The following RAPGEF5 variants were observed in gnomAD, a reference collection of about 807,000 sequenced individuals.
RAPGEF5 encodes the protein Rap guanine nucleotide exchange factor 5, also known as M-Ras-regulated GEF.
A neutral mutation model predicts 125.2 loss-of-function variants in RAPGEF5; 65 were observed. The ratio of observed to expected loss-of-function variants is 0.52; its 90% CI spans 0.43 to 0.64. The LOEUF (loss-of-function observed/expected upper bound fraction) is 0.64, where lower values mean the gene tolerates loss of function less well. Among genes scored for constraint, RAPGEF5 ranks in the 30% least tolerant of loss-of-function variants. The pLI is 0.00. For missense variants in RAPGEF5, 958 were observed against 1,048.1 expected (o/e 0.91, Z 1.19); for synonymous variants, 391 against 385.9 (o/e 1.01, Z -0.16).
At chr7:22,193,668 C>G in intron 10 of RAPGEF5, 1 of 1,550,766 alleles carries the variant, frequency 6.4e-7, no homozygotes, top group African/African-American at 1.4e-5. Flanking sequence ...CCATTGTGAA[C>G]GGTTACTAAC....
At chr7:22,326,682 T>C (rs1166909414) in intron 1 of RAPGEF5, among the ~76,000 whole-genome samples, 1 of 152,206 alleles carries the variant, frequency 6.6e-6, no homozygotes, top group Non-Finnish European at 1.5e-5. Context: ...TCTACTTAGG[T>C]TACATAAAAG....
chr7:22,313,590 T>C (rs543906538), intron 3 of RAPGEF5, among the ~76,000 whole-genome samples: 35 of 152,306 alleles, frequency 2.3e-4, no homozygotes, highest in African/African-American at 8.2e-4. Flanking sequence ...CTAATTTGGA[T>C]AGATGGATTT....
chr7:22,158,981 A>G (rs953367848), intron 14 of RAPGEF5, among the ~76,000 whole-genome samples: 4 of 152,096 alleles, frequency 2.6e-5, no homozygotes, highest in African/African-American at 9.7e-5. Flanking sequence ...ATTATTTACC[A>G]TTTTTGTGTA....
intron 7 of RAPGEF5, 43 bp downstream of exon 7, chr7:22,266,921 A>T (rs1782296394): frequency 6.4e-7 from 1 of 1,560,450 alleles, no homozygotes; most frequent in African/African-American, 1.4e-5. Flanking sequence ...AAATACCCCC[A>T]AAGAATTAGA....
chr7:22,260,547 AG>A (rs1349206636), intron 7 of RAPGEF5, among the ~76,000 whole-genome samples: 2 of 151,476 alleles, frequency 1.3e-5, no homozygotes, highest in South Asian at 2.1e-4. Context: ...AAAAAAAAAA[AG>A]ATATTACAAA....
chr7:22,182,357 TAGAGTG>T (rs1451264526), intron 11 of RAPGEF5, among the ~76,000 whole-genome samples: 2 of 152,184 alleles, frequency 1.3e-5, no homozygotes, highest in East Asian at 3.8e-4. Context: ...CTGCCGATGT[TAGAGTG>T]AAACTATCAT....
chr7:22,220,140 T>C, intron 8 of RAPGEF5, 149 bp from the exon 9 acceptor site: 1 of 1,015,604 alleles, frequency 9.8e-7, no homozygotes, highest in Admixed American at 2.8e-5. Flanking sequence ...TTTCAAAAAT[T>C]GAAGTTACAT....
chr7:22,214,337 G>A (rs562064287), intron 9 of RAPGEF5, among the ~76,000 whole-genome samples: 1 of 152,258 alleles, frequency 6.6e-6, no homozygotes, highest in Admixed American at 6.5e-5. Context: ...GCAAGGGAGG[G>A]ATACAGACAG....
intron 1 of RAPGEF5, among the ~76,000 whole-genome samples, chr7:22,319,798 A>C (rs11772968): frequency 0.066 from 9,982 of 152,222 alleles, 455 homozygotes; most frequent in South Asian, 0.16. Context: ...TAAGAGAAGC[A>C]AAATAGTTTA....
intron 25 of RAPGEF5, 68 bp from the exon 26 acceptor site, chr7:22,122,589 A>C: frequency 8.8e-7 from 1 of 1,142,452 alleles, no homozygotes; most frequent in East Asian, 2.4e-5. Flanking sequence ...ATACCAACAA[A>C]ACCCCACACT....
At chr7:22,341,928 G>A (rs887956353) in intron 1 of RAPGEF5, among the ~76,000 whole-genome samples, 11 of 152,188 alleles carry the variant, frequency 7.2e-5, no homozygotes, top group East Asian at 3.9e-4. Flanking sequence ...GGGGTCTGGA[G>A]GACAGTGGCC....
intron 5 of RAPGEF5, among the ~76,000 whole-genome samples, chr7:22,299,365 T>C (rs1397358807): frequency 1.3e-5 from 2 of 152,154 alleles, no homozygotes; most frequent in East Asian, 1.9e-4. Flanking sequence ...TTCCAAATAG[T>C]AGATTTTACA....
chr7:22,290,857 C>A (rs1349173774), intron 6 of RAPGEF5, among the ~76,000 whole-genome samples: 6 of 151,512 alleles, frequency 4.0e-5, no homozygotes, highest in Admixed American at 6.6e-5. Flanking sequence ...ATGAAAGAGT[C>A]TTTTCTCCTT....
intron 1 of RAPGEF5, among the ~76,000 whole-genome samples, chr7:22,342,959 A>C (rs1331000883): frequency 2.0e-5 from 3 of 152,064 alleles, no homozygotes; most frequent in African/African-American, 7.2e-5. Context: ...TCGCTTCCAC[A>C]TTTTCAGGTA....
chr7:22,328,219 G>C (rs890450554), intron 1 of RAPGEF5, among the ~76,000 whole-genome samples: 2 of 152,142 alleles, frequency 1.3e-5, no homozygotes, highest in Non-Finnish European at 2.9e-5. Context: ...TGGTCAGAAG[G>C]GAAAACAGGA....
intron 6 of RAPGEF5, among the ~76,000 whole-genome samples, chr7:22,285,007 C>T (rs1160926167): frequency 6.6e-6 from 1 of 152,112 alleles, no homozygotes; most frequent in African/African-American, 2.4e-5. Flanking sequence ...AGCTACCAAA[C>T]ATCTTAGTTT....
intron 1 of RAPGEF5, among the ~76,000 whole-genome samples, chr7:22,324,497 T>C (rs1371027147): frequency 6.6e-6 from 1 of 152,212 alleles, no homozygotes; most frequent in Non-Finnish European, 1.5e-5. Flanking sequence ...GCTGTGGTTA[T>C]GTAGAAATGT....
intron 1 of RAPGEF5, among the ~76,000 whole-genome samples, chr7:22,334,157 C>T (rs1358408469): frequency 2.0e-5 from 3 of 152,326 alleles, no homozygotes; most frequent in African/African-American, 7.2e-5. Context: ...TGGGCCCGAG[C>T]CTGACCCTGA....
In RAPGEF5 at chr7:22,123,471, G is replaced by T. The variant is rs546865720; in HGVS notation, c.2537-950C>A. Among the ~76,000 whole-genome samples, 13 of 152,330 alleles carry T rather than the reference G, an allele frequency of 8.5e-5. No individual in the cohort carries two copies. In the South Asian group the frequency reaches 2.7e-3, roughly 32 times the overall value. On this transcript the variant is annotated intron_variant, in intron 25 of 25. Transcript: ENST00000665637. ...GTAGATTATGCATGGGACAGGCAGG[G>T]TGAGCTGCTGGAGCTCAGTTTGAGC...
Sources: allele counts gnomAD v4.1 joint callset (sites outside exome capture counted in the v4.1 genomes callset), GRCh38; gene constraint gnomAD v4.1.1; transcripts MANE v1.5; gene names NCBI Gene and HGNC (gene_info 2026-07-23, HGNC 2026-07-21).